The following PPFIA2 variants were observed in gnomAD, a reference collection of about 807,000 sequenced individuals.
PPFIA2 encodes the protein PPFI scaffold protein A2.
A neutral mutation model predicts 175.5 loss-of-function variants in PPFIA2; 46 were observed. That is an observed-to-expected ratio of 0.26 (90% CI 0.21 to 0.34). The LOEUF (loss-of-function observed/expected upper bound fraction) is 0.34, where lower values mean the gene tolerates loss of function less well. Among genes scored for constraint, PPFIA2 ranks in the 10% least tolerant of loss-of-function variants. The pLI, the probability that PPFIA2 is intolerant of heterozygous loss-of-function variation, is 1.00. For synonymous variants in PPFIA2, 568 were observed against 511.4 expected (o/e 1.11, Z -1.49); for missense variants, 1,179 against 1,506.1 (o/e 0.78, Z 3.60).
At chr12:81,639,869 A>C (rs977505887) in intron 4 of PPFIA2, among the ~76,000 whole-genome samples, 1 of 152,160 alleles carries the variant, frequency 6.6e-6, no homozygotes, top group African/African-American at 2.4e-5. Flanking sequence ...TGAGCCATAC[A>C]GGAAAGAATC....
intron 7 of PPFIA2, among the ~76,000 whole-genome samples, chr12:81,407,646 C>G (rs2043182822): frequency 6.6e-6 from 1 of 152,108 alleles, no homozygotes; most frequent in South Asian, 2.1e-4. Context: ...ACACTGGCCT[C>G]CTTTCCATCC....
At chr12:81,479,335 G>A (rs2057899014) in intron 4 of PPFIA2, among the ~76,000 whole-genome samples, 1 of 152,086 alleles carries the variant, frequency 6.6e-6, no homozygotes, top group Admixed American at 6.6e-5. Context: ...CATGTGAGAT[G>A]GTTCTCCTGA....
In PPFIA2 at chr12:81,330,427, T is replaced by C. The variant is rs1251594617; in HGVS notation, c.2549-4557A>G. Among the ~76,000 whole-genome samples the C allele has an allele frequency of 2.6e-5, 4 of 152,216 alleles. No homozygotes were observed. In the East Asian group the frequency reaches 7.7e-4, roughly 29 times the overall value. ...CTTTGTCTTCCTTTCCTTCCCTGAG[T>C]ATACACATAGTTTATAGTTTACTAT... On this transcript the variant is annotated intron_variant, in intron 21 of 32. Coordinates refer to ENST00000549396, the MANE Select transcript of PPFIA2 (RefSeq NM_003625.5).
rs202229281 is a variant in PPFIA2 at position 81,722,056 on chromosome 12, G to GA, written c.249+31916dup. 7.1e-3 allele frequency among the ~76,000 whole-genome samples: 1,053 copies of GA among 149,316 alleles called. 13 individuals are homozygous for GA. The highest frequency in any genetic ancestry group is 0.022 in the Admixed American group (334 of 14,932). Reference sequence around the variant, plus strand: ...ATTTCTAATTGTTATTAGTGTCCAGGAAAAAAAAATCAGTGTTTCATAGGA... The same window carrying GA: ...ATTTCTAATTGTTATTAGTGTCCAGGAAAAAAAAAATCAGTGTTTCATAGGA... On this transcript the variant is annotated intron_variant, in intron 3 of 32. Transcript: ENST00000549396.
At chr12:81,303,901 C>T (rs1210433436) in intron 22 of PPFIA2, among the ~76,000 whole-genome samples, 2 of 152,164 alleles carry the variant, frequency 1.3e-5, no homozygotes, top group African/African-American at 2.4e-5. Context: ...GGGTGCAACT[C>T]TGGTTGAATG....
intron 3 of PPFIA2, among the ~76,000 whole-genome samples, chr12:81,735,660 T>C (rs1471016034): frequency 6.6e-6 from 1 of 151,800 alleles, no homozygotes; most frequent in Non-Finnish European, 1.5e-5. Context: ...ATTTGCCTAA[T>C]CCAAGGTTTC....
chr12:81,561,395 A>G (rs1387994899), intron 4 of PPFIA2, among the ~76,000 whole-genome samples: 1 of 152,206 alleles, frequency 6.6e-6, no homozygotes, highest in Non-Finnish European at 1.5e-5. Flanking sequence ...AGAATTAGAC[A>G]CAGTTCATGC....
intron 24 of PPFIA2, among the ~76,000 whole-genome samples, chr12:81,290,931 A>G (rs1459711011): frequency 6.6e-6 from 1 of 151,840 alleles, no homozygotes; most frequent in East Asian, 1.9e-4. Flanking sequence ...ATAACTTATC[A>G]CATTTCTACA....
rs546700250 is a variant in PPFIA2 at position 81,664,028 on chromosome 12, A to T, written c.303+12763T>A. Among the ~76,000 whole-genome samples the T allele has an allele frequency of 2.2e-4, 33 of 152,338 alleles. No homozygotes were observed. In the East Asian group the frequency reaches 4.8e-3, roughly 22 times the overall value. On this transcript the variant is annotated intron_variant, in intron 4 of 32. Coordinates refer to ENST00000549396, the MANE Select transcript of PPFIA2 (RefSeq NM_003625.5). ...TGGATCCCTTCCTTACACCTTATAC[A>T]AAAATAAATTCAACATGGATTAAAG... is the stretch of plus-strand genomic sequence containing the variant.
intron 3 of PPFIA2, among the ~76,000 whole-genome samples, chr12:81,704,723 A>G (rs930549075): frequency 6.6e-6 from 1 of 152,100 alleles, no homozygotes. Flanking sequence ...TATAAGTTAT[A>G]TTAAAAAGCC....
At chr12:81,483,513 GC>G (rs897464924) in intron 4 of PPFIA2, among the ~76,000 whole-genome samples, 5 of 152,102 alleles carry the variant, frequency 3.3e-5, no homozygotes, top group African/African-American at 1.2e-4. Flanking sequence ...CCTGGTAGTT[GC>G]CAGGGCCTTG....
chr12:81,262,480 A>T (rs557785073), intron 31 of PPFIA2, among the ~76,000 whole-genome samples: 2 of 152,202 alleles, frequency 1.3e-5, no homozygotes, highest in Non-Finnish European at 2.9e-5. Flanking sequence ...ATCACAGTTT[A>T]TGTTGGAACT....
intron 4 of PPFIA2, among the ~76,000 whole-genome samples, chr12:81,650,282 T>C (rs2066838670): frequency 6.6e-6 from 1 of 152,120 alleles, no homozygotes; most frequent in Non-Finnish European, 1.5e-5. Flanking sequence ...GTGCTGGGAT[T>C]ACAGGCGTGA....
At chr12:81,658,544 C>T (rs1005774216) in intron 4 of PPFIA2, among the ~76,000 whole-genome samples, 6 of 151,760 alleles carry the variant, frequency 4.0e-5, no homozygotes, top group Non-Finnish European at 7.4e-5. Flanking sequence ...AAGTAAAAAT[C>T]GTTTAACTTT....
At chr12:81,470,019 C>T (rs964699076) in intron 4 of PPFIA2, among the ~76,000 whole-genome samples, 12 of 152,064 alleles carry the variant, frequency 7.9e-5, no homozygotes, top group African/African-American at 2.2e-4. Context: ...TCCAGAACTG[C>T]GAGGAAATAT....
chr12:81,706,491 AT>A (rs1596587884), intron 3 of PPFIA2, among the ~76,000 whole-genome samples: 2 of 152,192 alleles, frequency 1.3e-5, no homozygotes, highest in East Asian at 1.9e-4. Flanking sequence ...AAATGCATAT[AT>A]TTTTTATTTA....
chr12:81,747,098 C>A (rs2083165004), intron 3 of PPFIA2, among the ~76,000 whole-genome samples: 1 of 142,596 alleles, frequency 7.0e-6, no homozygotes, highest in Non-Finnish European at 1.6e-5. Context: ...AAGCAATGAG[C>A]AATACAGAAA....
At chr12:81,380,844 G>T (rs188647165) in intron 9 of PPFIA2, among the ~76,000 whole-genome samples, 2 of 152,174 alleles carry the variant, frequency 1.3e-5, no homozygotes, top group East Asian at 3.9e-4. Flanking sequence ...GACTTTCCAT[G>T]TAATACACCC....
intron 4 of PPFIA2, among the ~76,000 whole-genome samples, chr12:81,648,798 T>C (rs542020847): frequency 6.6e-6 from 1 of 151,976 alleles, no homozygotes; most frequent in South Asian, 2.1e-4. Context: ...GACTTACAGA[T>C]CAATGGAAAA....
Sources: gnomAD v4.1 joint callset for allele counts (sites outside exome capture counted in the v4.1 genomes callset) on GRCh38, gnomAD v4.1.1 for gene constraint, MANE v1.5 for transcripts, NCBI Gene and HGNC (gene_info 2026-07-23, HGNC 2026-07-21) for gene names.